The following GOLM2 variants were observed in gnomAD, a reference collection of about 807,000 sequenced individuals.
GOLM2 encodes golgi membrane protein 2.
In GOLM2, 26 loss-of-function variants were observed where a neutral mutation model predicts 55.9. That is an observed-to-expected ratio of 0.47 (90% CI 0.34 to 0.65). GOLM2 has a LOEUF of 0.65. GOLM2 is among the 30% of genes least tolerant of loss of function. GOLM2 has a pLI of 0.01. For missense variants in GOLM2, 486 were observed against 531.8 expected (o/e 0.91, Z 0.85); for synonymous variants, 165 against 194.6 (o/e 0.85, Z 1.27).
intron 4 of GOLM2, among the ~76,000 whole-genome samples, chr15:44,335,580 A>G (rs905304425): frequency 1.3e-5 from 2 of 152,230 alleles, no homozygotes; most frequent in Non-Finnish European, 1.5e-5. Flanking sequence ...GTGAAGATGC[A>G]CAGACATGCA....
intron 8 of GOLM2, among the ~76,000 whole-genome samples, chr15:44,393,182 C>A (rs1437837316): frequency 6.6e-6 from 1 of 151,998 alleles, no homozygotes; most frequent in African/African-American, 2.4e-5. Flanking sequence ...TTATTACATG[C>A]AAGATTTATA....
In GOLM2 at chr15:44,288,753, G is replaced by T; in HGVS notation, c.-277G>T. On this transcript the variant is annotated 5_prime_UTR_variant, in exon 1 of 10. Coordinates refer to ENST00000299957, the MANE Select transcript of GOLM2 (RefSeq NM_138423.4). ...CAACCGTGAGGTGTTGGGTTTGGGGGACGCTGGCAGCTGGGTTCTCCCGGT... is the reference window on the plus strand; with the variant it reads ...CAACCGTGAGGTGTTGGGTTTGGGGTACGCTGGCAGCTGGGTTCTCCCGGT... The T allele has an allele frequency of 2.1e-6, 1 of 476,370 alleles. No individual in the cohort carries two copies. The highest frequency in any genetic ancestry group is 3.7e-6 in the Non-Finnish European group (1 of 269,366). 29.5% of individuals were successfully genotyped at this position (476,370 alleles called of 1,614,324 possible).
At chr15:44,389,053 G>A (rs1475778549) in intron 8 of GOLM2, among the ~76,000 whole-genome samples, 1 of 151,906 alleles carries the variant, frequency 6.6e-6, no homozygotes, top group Non-Finnish European at 1.5e-5. Flanking sequence ...TCCTGACCTC[G>A]TGATCTGCCT....
At chr15:44,321,224 C>G (rs1240150376) in intron 1 of GOLM2, among the ~76,000 whole-genome samples, 3 of 152,104 alleles carry the variant, frequency 2.0e-5, no homozygotes, top group African/African-American at 7.2e-5. Context: ...GTAATCCCAG[C>G]ACTTTGGGAG....
At position 44,306,711 on chromosome 15, in the gene GOLM2, C is replaced by A. The variant is rs142506570; in HGVS notation, c.328-16254C>A. The stretch of plus-strand genomic sequence containing the variant: ...GACATACAACTCTTTTACTTGAACA[C>A]TTAGAGGTCATTGTAGTATCGTTTT... On this transcript the variant is annotated intron_variant, in intron 1 of 9. Coordinates refer to ENST00000299957, the MANE Select transcript of GOLM2 (RefSeq NM_138423.4). Among the ~76,000 whole-genome samples, 305 of 152,276 alleles carry A rather than the reference C, an allele frequency of 2.0e-3. 1 individual carries two copies. Among genetic ancestry groups the A allele is most frequent in the African/African-American group, 7.0e-3 (289 of 41,566 alleles).
At chr15:44,343,592 G>C (rs1326089899) in intron 6 of GOLM2, among the ~76,000 whole-genome samples, 3 of 151,988 alleles carry the variant, frequency 2.0e-5, no homozygotes, top group Non-Finnish European at 4.4e-5. Flanking sequence ...TTAGGAGGCT[G>C]AGGCGGGCGG....
intron 9 of GOLM2, among the ~76,000 whole-genome samples, chr15:44,407,229 T>C (rs1193579236): frequency 6.8e-6 from 1 of 146,910 alleles, no homozygotes; most frequent in East Asian, 1.9e-4. Context: ...TTAATATATT[T>C]ATATTATAAT....
chr15:44,351,225 C>A (rs929474790), intron 6 of GOLM2, among the ~76,000 whole-genome samples: 3 of 152,044 alleles, frequency 2.0e-5, no homozygotes, highest in African/African-American at 7.2e-5. Context: ...AGGATTCCCA[C>A]TTTAAGCACT....
At chr15:44,345,172 C>T (rs1029174033) in intron 6 of GOLM2, among the ~76,000 whole-genome samples, 3 of 151,802 alleles carry the variant, frequency 2.0e-5, no homozygotes, top group Non-Finnish European at 2.9e-5. Flanking sequence ...TGCAATGGTG[C>T]GATCTCAGCT....
intron 8 of GOLM2, among the ~76,000 whole-genome samples, chr15:44,399,643 T>TA (rs1364326649): frequency 1.2e-4 from 18 of 152,214 alleles, no homozygotes; most frequent in Non-Finnish European, 2.5e-4. Flanking sequence ...ATGATATATA[T>TA]TTTTTAGTAC....
At chr15:44,300,700 T>TA (rs1332402051) in intron 1 of GOLM2, among the ~76,000 whole-genome samples, 1 of 152,178 alleles carries the variant, frequency 6.6e-6, no homozygotes, top group Non-Finnish European at 1.5e-5. Flanking sequence ...AACTAGTCCT[T>TA]ACAATTTTTG....
At chr15:44,377,472 G>A (rs1264016796) in intron 6 of GOLM2, among the ~76,000 whole-genome samples, 1 of 152,202 alleles carries the variant, frequency 6.6e-6, no homozygotes, top group East Asian at 1.9e-4. Context: ...CCAGGTTCTA[G>A]CAATTCTGGT....
At chr15:44,296,819 A>G (rs1346224205) in intron 1 of GOLM2, among the ~76,000 whole-genome samples, 1 of 152,072 alleles carries the variant, frequency 6.6e-6, no homozygotes, top group African/African-American at 2.4e-5. Flanking sequence ...GGCTCCTCCC[A>G]TAGGTGTCTT....
chr15:44,331,094 AACCTCC>A (rs1374467354), intron 3 of GOLM2, among the ~76,000 whole-genome samples: 1 of 152,068 alleles, frequency 6.6e-6, no homozygotes, highest in Non-Finnish European at 1.5e-5. Context: ...AGCTCACTGC[AACCTCC>A]ACCTCCTGGG....
chr15:44,361,978 T>G (rs1478326779), intron 6 of GOLM2, among the ~76,000 whole-genome samples: 7 of 152,192 alleles, frequency 4.6e-5, no homozygotes, highest in Non-Finnish European at 1.0e-4. Flanking sequence ...AAAAGGCCTT[T>G]GACAAAATTC....
chr15:44,391,477 A>G (rs2079488915), intron 8 of GOLM2, among the ~76,000 whole-genome samples: 1 of 151,764 alleles, frequency 6.6e-6, no homozygotes, highest in South Asian at 2.1e-4. Flanking sequence ...AGATTGCGCC[A>G]CTGTACTCCA....
rs1297344711 is a variant in GOLM2 at position 44,343,193 on chromosome 15, T to C, written c.802+4876T>C. Among the ~76,000 whole-genome samples the C allele has an allele frequency of 3.3e-5, 5 of 151,164 alleles. No individual in the cohort carries two copies. In the South Asian group the frequency reaches 1.0e-3, roughly 32 times the overall value. On this transcript the variant is annotated intron_variant, in intron 6 of 9. Coordinates refer to ENST00000299957, the MANE Select transcript of GOLM2 (RefSeq NM_138423.4). ...GCTAAAAATACAAAAATTAGCTGGGTGTGGTGGTGGGCACCTGTAATCCCA... is the reference window on the plus strand; with the variant it reads ...GCTAAAAATACAAAAATTAGCTGGGCGTGGTGGTGGGCACCTGTAATCCCA...
chr15:44,376,540 G>T (rs1420887218), intron 6 of GOLM2, among the ~76,000 whole-genome samples: 2 of 152,110 alleles, frequency 1.3e-5, no homozygotes, highest in African/African-American at 4.8e-5. Context: ...GAGACACTGT[G>T]CTCAATCTGT....
intron 6 of GOLM2, chr15:44,345,770 C>A (rs920621399): frequency 1.3e-5 from 2 of 151,908 alleles, no homozygotes; most frequent in African/African-American, 4.8e-5. Context: ...TATTTAAGTA[C>A]CTGAGCAATT....
Sources: allele counts gnomAD v4.1 joint callset (sites outside exome capture counted in the v4.1 genomes callset), GRCh38; gene constraint gnomAD v4.1.1; transcripts MANE v1.5; gene names NCBI Gene and HGNC (gene_info 2026-07-23, HGNC 2026-07-21).